The following SLC13A4 variants were observed in gnomAD, a reference collection of about 807,000 sequenced individuals.
SLC13A4 encodes solute carrier family 13 member 4.
Under a neutral mutation model 72.7 loss-of-function variants are expected in SLC13A4, and 28 were observed. That is an observed-to-expected ratio of 0.39 (90% CI 0.29 to 0.53). The LOEUF (loss-of-function observed/expected upper bound fraction) is 0.53, where lower values mean the gene tolerates loss of function less well. SLC13A4 is among the 20% of genes least tolerant of loss of function. The pLI is 0.78. For missense variants in SLC13A4, 653 were observed against 788.0 expected (o/e 0.83, Z 2.05); for synonymous variants, 312 against 325.5 (o/e 0.96, Z 0.45).
intron 15 of SLC13A4, chr7:135,683,230 C>T: frequency 3.2e-6 from 1 of 311,316 alleles, no homozygotes; most frequent in Non-Finnish European, 4.3e-6. Flanking sequence ...ACCTGGGAGG[C>T]AGAGGTTGCA....
intron 2 of SLC13A4, among the ~76,000 whole-genome samples, chr7:135,716,862 T>TG (rs1796444132): frequency 6.6e-6 from 1 of 152,248 alleles, no homozygotes; most frequent in South Asian, 2.1e-4. Context: ...CCACAGTGCC[T>TG]GGCATATGGT....
rs112756145 is a variant in SLC13A4, at chr7:135,693,690, C to T, written c.1121+447G>A. Among the ~76,000 whole-genome samples, 1,328 of 152,226 alleles carry T rather than the reference C, an allele frequency of 8.7e-3. 25 individuals are homozygous for T. Among genetic ancestry groups the T allele is most frequent in the African/African-American group, 0.029 (1,188 of 41,526 alleles). On this transcript the variant is annotated intron_variant, in intron 10 of 15. Coordinates refer to ENST00000682651, the MANE Select transcript of SLC13A4 (RefSeq NM_001318192.2). ...GAGGGTTGGTTAGTGATTTCTTGGA[C>T]GCTCTCTCTCCAAGTCTGTCTTTGA...
At chr7:135,696,286 C>T (rs1216065838) in intron 8 of SLC13A4, among the ~76,000 whole-genome samples, 1 of 152,178 alleles carries the variant, frequency 6.6e-6, no homozygotes, top group Non-Finnish European at 1.5e-5. Context: ...TCCCTACCAG[C>T]ATCTAAATGT....
intron 7 of SLC13A4, 103 bp from the exon 8 acceptor site, chr7:135,699,651 T>C: frequency 9.9e-7 from 1 of 1,009,418 alleles, no homozygotes. Context: ...GGTTTGAGCT[T>C]GGGTGTCAGA....
chr7:135,715,298 C>G (rs533250935), intron 2 of SLC13A4, among the ~76,000 whole-genome samples: 2 of 140,742 alleles, frequency 1.4e-5, no homozygotes, highest in Middle Eastern at 3.9e-3. Flanking sequence ...TGTGAGTGTA[C>G]GTATATCTAA....
At chr7:135,723,854 G>T (rs570991677) in intron 1 of SLC13A4, among the ~76,000 whole-genome samples, 1 of 151,994 alleles carries the variant, frequency 6.6e-6, no homozygotes, top group Non-Finnish European at 1.5e-5. Context: ...GGGGCCAAAA[G>T]ATCAGAGGGA....
intron 2 of SLC13A4, among the ~76,000 whole-genome samples, chr7:135,710,833 G>A (rs1442552693): frequency 6.6e-6 from 1 of 152,168 alleles, no homozygotes; most frequent in East Asian, 1.9e-4. Context: ...GGGGGGAAAA[G>A]CCCCTGCTTC....
chr7:135,689,306 G>A (rs576199965), intron 13 of SLC13A4, among the ~76,000 whole-genome samples: 46 of 152,234 alleles, frequency 3.0e-4, no homozygotes, highest in Middle Eastern at 3.4e-3. Context: ...AAATATTGAT[G>A]GCATATATAT....
At chr7:135,704,845 CTG>C (rs1266537439) in intron 5 of SLC13A4, 1 of 152,242 alleles carries the variant, frequency 6.6e-6, no homozygotes, top group African/African-American at 2.4e-5. Context: ...CCTTCCACGT[CTG>C]TCCCACTGTG....
chr7:135,695,920 C>A (rs1795894129), intron 8 of SLC13A4, among the ~76,000 whole-genome samples: 1 of 152,138 alleles, frequency 6.6e-6, no homozygotes, highest in Non-Finnish European at 1.5e-5. Context: ...AGCTTTAGGG[C>A]TTAATGAAGT....
At chr7:135,724,448 G>C (rs1796610049) in intron 1 of SLC13A4, among the ~76,000 whole-genome samples, 2 of 142,198 alleles carry the variant, frequency 1.4e-5, no homozygotes, top group South Asian at 4.5e-4. Flanking sequence ...AGTGAGCCAA[G>C]GTTGTGCCAC....
chr7:135,692,385 C>T lies in SLC13A4; in HGVS notation c.1161G>A (p.Met387Ile), dbSNP rs1032462024. 6.2e-7 allele frequency: 1 copy of T among 1,613,758 alleles called. No individual in the cohort carries two copies. ...GCTCCCGGGTAAACCACAGTACGGT[C>T]ATCAGGATGAAGAAAAATCCAGTCA... ...EMVTGFFFILMTVLWFTREPG... is the reference protein window; with the variant it reads ...EMVTGFFFILITVLWFTREPG... Residue 387 changes from methionine to isoleucine, a missense_variant, in exon 11 of 16, where the codon ATG becomes ATA. Met to Ile is a conservative substitution (Grantham distance 10). Coordinates refer to ENST00000682651, the MANE Select transcript of SLC13A4 (RefSeq NM_001318192.2).
At chr7:135,727,305 G>C (rs893319875) in intron 1 of SLC13A4, 93 bp downstream of exon 1, 28 of 1,466,312 alleles carry the variant, frequency 1.9e-5, no homozygotes, top group Non-Finnish European at 2.5e-5. Flanking sequence ...CACTTTGAGG[G>C]ACTGCCTGAG....
chr7:135,699,627 G>A, intron 7 of SLC13A4, 79 bp from the exon 8 acceptor site: 1 of 1,311,284 alleles, frequency 7.6e-7, no homozygotes, highest in Admixed American at 2.4e-5. Flanking sequence ...GAGGCACCAT[G>A]GTACAGCGGA....
At chr7:135,712,256 G>A (rs551014138) in intron 2 of SLC13A4, among the ~76,000 whole-genome samples, 1 of 151,860 alleles carries the variant, frequency 6.6e-6, no homozygotes, top group Admixed American at 6.6e-5. Flanking sequence ...TGTTTGGTGG[G>A]CTCAGCTCTA....
chr7:135,722,054 A>C (rs1012392346), intron 1 of SLC13A4, among the ~76,000 whole-genome samples: 12 of 152,106 alleles, frequency 7.9e-5, no homozygotes, highest in Non-Finnish European at 1.6e-4. Flanking sequence ...CAGCCTGGGC[A>C]ATATATAGCA....
At chr7:135,695,661 A>G (rs1024973492) in intron 8 of SLC13A4, among the ~76,000 whole-genome samples, 174 bp from the exon 9 acceptor site, 4 of 152,256 alleles carry the variant, frequency 2.6e-5, no homozygotes, top group Non-Finnish European at 5.9e-5. Context: ...GCAATTGTAC[A>G]GAGCCCAGAC....
chr7:135,712,269 C>T (rs1796321288), intron 2 of SLC13A4, among the ~76,000 whole-genome samples: 1 of 151,720 alleles, frequency 6.6e-6, no homozygotes, highest in African/African-American at 2.4e-5. Context: ...CAGCTCTATT[C>T]TCATGTCTTT....
At chr7:135,716,820 G>T (rs1475788795) in intron 2 of SLC13A4, among the ~76,000 whole-genome samples, 2 of 152,140 alleles carry the variant, frequency 1.3e-5, no homozygotes, top group Non-Finnish European at 2.9e-5. Context: ...CTTCACGGAG[G>T]ATTAAGTTAT....
Sources: gnomAD v4.1 joint callset for allele counts (sites outside exome capture counted in the v4.1 genomes callset) on GRCh38, gnomAD v4.1.1 for gene constraint, MANE v1.5 for transcripts, NCBI Gene and HGNC (gene_info 2026-07-23, HGNC 2026-07-21) for gene names.